The following ZSCAN5A variants were observed in gnomAD, a reference collection of about 807,000 sequenced individuals.
ZSCAN5A encodes the protein zinc finger and SCAN domain-containing protein 5A.
Under a neutral mutation model 23.7 loss-of-function variants are expected in ZSCAN5A, and 12 were observed. The observed-to-expected ratio is 0.51, with a 90% CI of 0.32 to 0.82. ZSCAN5A has a LOEUF of 0.82. Ranked by LOEUF, ZSCAN5A falls within the 40% of genes least tolerant of loss-of-function variation. The pLI is 0.03. For synonymous variants in ZSCAN5A, 257 were observed against 239.9 expected, an observed-to-expected ratio of 1.07 and a Z score of -0.66; for missense variants, 597 against 617.9, an observed-to-expected ratio of 0.97 and a Z score of 0.36.
intron 2 of ZSCAN5A, among the ~76,000 whole-genome samples, chr19:56,249,718 G>T (rs1281115671): frequency 1.3e-5 from 2 of 152,132 alleles, no homozygotes; most frequent in East Asian, 3.9e-4. Context: ...GTGAACTCAG[G>T]TGCCTATTTT....
intron 2 of ZSCAN5A, among the ~76,000 whole-genome samples, chr19:56,250,656 T>C (rs1184129421): frequency 6.6e-6 from 1 of 152,172 alleles, no homozygotes; most frequent in Non-Finnish European, 1.5e-5. Context: ...GCATTTGAAA[T>C]ATTCAATCCT....
At chr19:56,324,327 T>C (rs1198368701) in intron 2 of ZSCAN5A, among the ~76,000 whole-genome samples, 3 of 152,234 alleles carry the variant, frequency 2.0e-5, no homozygotes, top group Non-Finnish European at 2.9e-5. Context: ...CTGAATAATA[T>C]TCCATTGTGT....
chr19:56,311,645 G>A (rs934580123), intron 2 of ZSCAN5A, among the ~76,000 whole-genome samples: 1 of 152,164 alleles, frequency 6.6e-6, no homozygotes, highest in African/African-American at 2.4e-5. Flanking sequence ...TTGCCTCATA[G>A]AGGTAAAGTT....
At chr19:56,257,196 C>T (rs933410030) in intron 2 of ZSCAN5A, among the ~76,000 whole-genome samples, 4 of 152,178 alleles carry the variant, frequency 2.6e-5, no homozygotes, top group African/African-American at 7.2e-5. Flanking sequence ...GGCAGGAGAG[C>T]GGGGAACCAG....
Position 56,225,169 on chromosome 19 carries a change from G to A in ZSCAN5A, c.-123C>T. 3 of 1,390,906 alleles carry A rather than the reference G, an allele frequency of 2.2e-6. No homozygotes were observed. The highest frequency in any genetic ancestry group is 2.8e-6 in the Non-Finnish European group (3 of 1,082,326). 86.2% of individuals were successfully genotyped at this position (1,390,906 alleles called of 1,614,324 possible). A position where few individuals can be genotyped will look rare whatever the true frequency, so the allele number is the denominator to read the frequency against. The stretch of plus-strand genomic sequence containing the variant: ...CAGTAATAGATTCACTGTTCATTCA[G>A]AAGTCTGGGGGGGAAAAGTATGAGC... On this transcript the variant is annotated 5_prime_UTR_variant, in exon 3 of 6. Transcript: ENST00000683990.
intron 2 of ZSCAN5A, chr19:56,321,615 C>G: frequency 3.6e-6 from 3 of 829,718 alleles, no homozygotes. Context: ...GCAGTCAGCA[C>G]AATGGCAAGG....
At chr19:56,269,411 T>C (rs2037690655) in intron 2 of ZSCAN5A, among the ~76,000 whole-genome samples, 1 of 152,178 alleles carries the variant, frequency 6.6e-6, no homozygotes, top group Non-Finnish European at 1.5e-5. Flanking sequence ...TATGCATCTG[T>C]GAGGCAGGCA....
chr19:56,239,796 A>T (rs534253375), intron 2 of ZSCAN5A, among the ~76,000 whole-genome samples: 58 of 150,944 alleles, frequency 3.8e-4, no homozygotes, highest in African/African-American at 1.3e-3. Context: ...TTAATCCAAC[A>T]ACTCTTAACA....
At chr19:56,249,348 C>G (rs1244005027) in intron 2 of ZSCAN5A, among the ~76,000 whole-genome samples, 3 of 152,148 alleles carry the variant, frequency 2.0e-5, no homozygotes, top group Non-Finnish European at 2.9e-5. Flanking sequence ...CTCGGCTCAC[C>G]CCAACCTCCA....
At chr19:56,255,571 C>A (rs1433772342) in intron 2 of ZSCAN5A, among the ~76,000 whole-genome samples, 1 of 152,122 alleles carries the variant, frequency 6.6e-6, no homozygotes, top group Non-Finnish European at 1.5e-5. Flanking sequence ...AATTCCCAAA[C>A]CCCTCTTGCC....
intron 2 of ZSCAN5A, among the ~76,000 whole-genome samples, chr19:56,288,606 C>T (rs767470781): frequency 6.6e-5 from 10 of 152,206 alleles, no homozygotes; most frequent in African/African-American, 9.7e-5. Context: ...TTCCACTGCA[C>T]CCTCCATACC....
chr19:56,240,889 TG>T (rs1183674277), intron 2 of ZSCAN5A, among the ~76,000 whole-genome samples: 1 of 152,164 alleles, frequency 6.6e-6, no homozygotes, highest in African/African-American at 2.4e-5. Flanking sequence ...TTTATTTTTT[TG>T]TAGAGATGGG....
intron 2 of ZSCAN5A, among the ~76,000 whole-genome samples, chr19:56,345,546 G>A (rs754984713): frequency 1.3e-5 from 2 of 152,146 alleles, no homozygotes; most frequent in Admixed American, 1.3e-4. Context: ...GCATTATAAA[G>A]TATGGAAAGA....
At chr19:56,278,559 T>C (rs1468733349) in intron 2 of ZSCAN5A, among the ~76,000 whole-genome samples, 1 of 152,220 alleles carries the variant, frequency 6.6e-6, no homozygotes, top group Non-Finnish European at 1.5e-5. Flanking sequence ...CATGAAGATA[T>C]ACATATAGAT....
intron 2 of ZSCAN5A, among the ~76,000 whole-genome samples, chr19:56,286,070 G>A (rs1480083570): frequency 1.3e-5 from 2 of 152,248 alleles, no homozygotes; most frequent in South Asian, 2.1e-4. Flanking sequence ...TGCCCAGGCT[G>A]GAGTGCAGTG....
intron 2 of ZSCAN5A, among the ~76,000 whole-genome samples, chr19:56,333,610 C>T (rs1363267874): frequency 6.6e-6 from 1 of 152,014 alleles, no homozygotes; most frequent in East Asian, 1.9e-4. Flanking sequence ...CCTTGCAATG[C>T]ATGCTTTGAA....
chr19:56,247,059 T>C (rs774083848), intron 2 of ZSCAN5A: 2 of 782,862 alleles, frequency 2.6e-6, no homozygotes, highest in African/African-American at 3.4e-5. Flanking sequence ...TGCTGCCCTT[T>C]GCATGTGGCG....
At chr19:56,280,645 G>A (rs890304239) in intron 2 of ZSCAN5A, 3 of 152,196 alleles carry the variant, frequency 2.0e-5, no homozygotes, top group African/African-American at 7.2e-5. Context: ...TCTGGAGGCT[G>A]AGAAGTCCAA....
intron 2 of ZSCAN5A, among the ~76,000 whole-genome samples, chr19:56,328,941 G>A (rs2041462187): frequency 1.3e-5 from 2 of 149,926 alleles, no homozygotes; most frequent in Admixed American, 1.3e-4. Context: ...CTTGCAGTGA[G>A]CCGAGATGGC....
Sources: allele counts gnomAD v4.1 joint callset (sites outside exome capture counted in the v4.1 genomes callset), GRCh38; gene constraint gnomAD v4.1.1; transcripts MANE v1.5; gene names NCBI Gene and HGNC (gene_info 2026-07-23, HGNC 2026-07-21).